The following MPDZ variants were observed in gnomAD, a reference collection of about 807,000 sequenced individuals.
The protein encoded by MPDZ is multiple PDZ domain crumbs cell polarity complex component, also known as multiple PDZ domain protein.
Under a neutral mutation model 239.1 loss-of-function variants are expected in MPDZ, and 234 were observed. The ratio of observed to expected loss-of-function variants is 0.98; its 90% confidence interval spans 0.88 to 1.09. MPDZ has a LOEUF of 1.09. Ranked by LOEUF, MPDZ falls within the 50% of genes least tolerant of loss-of-function variation. The pLI is 0.00. For synonymous variants in MPDZ, 1,048 were observed against 881.3 expected, an observed-to-expected ratio of 1.19 and a Z score of -3.35; for missense variants, 3,175 against 2,510.0, an observed-to-expected ratio of 1.26 and a Z score of -5.66.
chr9:13,115,806 G>T (rs1005093661), intron 39 of MPDZ, among the ~76,000 whole-genome samples: 1 of 151,892 alleles, frequency 6.6e-6, no homozygotes, highest in East Asian at 1.9e-4. Flanking sequence ...ATAGCTGGGC[G>T]TGGTGGCAGG....
At position 13,158,036 on chromosome 9, in the gene MPDZ, T is replaced by A. The variant is rs979093552; in HGVS notation, c.3434A>T (p.Asn1145Ile). 2.5e-6 allele frequency: 4 copies of A among 1,612,566 alleles called. No individual in the cohort carries two copies. Among genetic ancestry groups the A allele is most frequent in the Non-Finnish European group, 3.4e-6 (4 of 1,179,138 alleles). Residue 1145 changes from asparagine to isoleucine, a missense_variant, in exon 24 of 47, where the codon AAT (asparagine) becomes ATT (isoleucine). Asn to Ile is a moderately radical substitution (Grantham distance 149). Coordinates refer to ENST00000319217, the MANE Select transcript of MPDZ (RefSeq NM_001378778.1). ...TCCTTACCGCCTGGGCTGATTCCAA[T>A]TGCTATATGCTGTGTTTTGAAGTTC... The part of the protein sequence containing the change: ...ESELQNTAYS[N>I]WNQPRRVELW...
chr9:13,184,838 T>G, intron 18 of MPDZ, among the ~76,000 whole-genome samples: 1 of 151,910 alleles, frequency 6.6e-6, no homozygotes, highest in East Asian at 1.9e-4. Flanking sequence ...TCAAAGAAAT[T>G]GAGTGACCAG....
intron 3 of MPDZ, 39 bp downstream of exon 3, chr9:13,247,596 C>G: frequency 6.3e-7 from 1 of 1,577,988 alleles, no homozygotes; most frequent in Non-Finnish European, 8.7e-7. Flanking sequence ...AAGATCTATG[C>G]CATGTCGTGA....
intron 23 of MPDZ, among the ~76,000 whole-genome samples, chr9:13,161,302 G>A (rs1470791485): frequency 6.6e-6 from 1 of 152,068 alleles, no homozygotes; most frequent in Non-Finnish European, 1.5e-5. Context: ...AGGCATGGCG[G>A]CTCACGCTTA....
intron 3 of MPDZ, among the ~76,000 whole-genome samples, chr9:13,240,028 G>A (rs935956984): frequency 1.3e-5 from 2 of 152,062 alleles, no homozygotes; most frequent in African/African-American, 4.8e-5. Context: ...CTACATCATA[G>A]TGGGGAAGGT....
rs187320890 is a variant in MPDZ, at chr9:13,275,706, A to C, written c.-58+3694T>G. ...AAGGAAATGTGACTTGGGTTATTGGAAAGTGGAAACTTCAAGAGATAAAAG... is the reference window on the plus strand; with the variant it reads ...AAGGAAATGTGACTTGGGTTATTGGCAAGTGGAAACTTCAAGAGATAAAAG... On this transcript the variant is annotated intron_variant, in intron 1 of 46. Coordinates refer to ENST00000319217, the MANE Select transcript of MPDZ (RefSeq NM_001378778.1). 2.5e-3 allele frequency among the ~76,000 whole-genome samples: 377 copies of C among 152,318 alleles called. 2 individuals are homozygous for C. Among genetic ancestry groups the C allele is most frequent in the African/African-American group, 8.8e-3 (366 of 41,566 alleles).
chr9:13,196,062 G>C, intron 13 of MPDZ, 59 bp downstream of exon 13: 2 of 1,155,776 alleles, frequency 1.7e-6, no homozygotes, highest in Non-Finnish European at 2.5e-6. Context: ...TTATTCCCTC[G>C]AACTGCCTGC....
chr9:13,230,656 T>A (rs188093933), intron 3 of MPDZ, among the ~76,000 whole-genome samples: 19 of 152,148 alleles, frequency 1.2e-4, no homozygotes, highest in Admixed American at 9.8e-4. Context: ...AAGAATAGAA[T>A]AAGGGAGATA....
intron 3 of MPDZ, among the ~76,000 whole-genome samples, chr9:13,226,127 G>T (rs1960513073): frequency 6.6e-6 from 1 of 151,990 alleles, no homozygotes; most frequent in African/African-American, 2.4e-5. Flanking sequence ...GCCACAGTTG[G>T]TATCAGAAGT....
intron 1 of MPDZ, among the ~76,000 whole-genome samples, chr9:13,254,499 G>T (rs1968928621): frequency 6.6e-6 from 1 of 152,054 alleles, no homozygotes; most frequent in African/African-American, 2.4e-5. Flanking sequence ...ATTATTAGTT[G>T]TTGTTAATCT....
At chr9:13,114,527 G>C (rs376200917) in intron 40 of MPDZ, among the ~76,000 whole-genome samples, 1 of 152,078 alleles carries the variant, frequency 6.6e-6, no homozygotes, top group South Asian at 2.1e-4. Context: ...TTTTATACAT[G>C]GTGCTGAGTA....
intron 39 of MPDZ, 94 bp downstream of exon 39, chr9:13,119,408 A>G (rs1943987739): frequency 2.8e-6 from 4 of 1,412,324 alleles, no homozygotes; most frequent in Non-Finnish European, 3.8e-6. Context: ...TTAAATAAAG[A>G]GAAGTCATTA....
intron 10 of MPDZ, among the ~76,000 whole-genome samples, chr9:13,206,732 C>T (rs942052064): frequency 7.2e-5 from 11 of 152,070 alleles, no homozygotes; most frequent in Admixed American, 2.0e-4. Flanking sequence ...TTAGTAAAGA[C>T]GGGGTTTGAC....
intron 3 of MPDZ, among the ~76,000 whole-genome samples, chr9:13,230,734 C>T (rs1406937285): frequency 1.3e-5 from 2 of 151,856 alleles, no homozygotes; most frequent in Admixed American, 1.3e-4. Context: ...TAAGTAAAAA[C>T]AAACAAACAA....
At chr9:13,219,464 G>A (rs1362427178) in intron 8 of MPDZ, 95 bp downstream of exon 8, 9 of 1,066,128 alleles carry the variant, frequency 8.4e-6, no homozygotes, top group African/African-American at 4.7e-5. Flanking sequence ...CACTAATATA[G>A]GAACATTAGT....
chr9:13,273,373 T>G (rs1411936964), intron 1 of MPDZ, among the ~76,000 whole-genome samples: 1 of 152,238 alleles, frequency 6.6e-6, no homozygotes, highest in Middle Eastern at 3.2e-3. Context: ...TGATATCTTA[T>G]GAACACAGAA....
chr9:13,139,986 C>A lies in MPDZ; in HGVS notation c.4003+1G>T. The stretch of plus-strand genomic sequence containing the variant: ...AAATGCATCACAAAAACACAACTTA[C>A]TCCAGCTGTAACCAAACTCATCCTC... On this transcript the variant is annotated splice_donor_variant, in intron 28 of 46. Coordinates refer to ENST00000319217, the MANE Select transcript of MPDZ (RefSeq NM_001378778.1). LOFTEE classifies it high-confidence loss of function. 6.2e-7 allele frequency: 1 copy of A among 1,613,416 alleles called. No individual in the cohort carries two copies. Among genetic ancestry groups the A allele is most frequent in the Non-Finnish European group, 8.5e-7 (1 of 1,179,562 alleles).
chr9:13,262,691 T>C (rs1588189097), intron 1 of MPDZ, among the ~76,000 whole-genome samples: 1 of 151,608 alleles, frequency 6.6e-6, no homozygotes, highest in East Asian at 1.9e-4. Flanking sequence ...GGAGAAGCCA[T>C]AGTAAACAAA....
intron 21 of MPDZ, among the ~76,000 whole-genome samples, chr9:13,174,957 C>G (rs1952262650): frequency 6.6e-6 from 1 of 152,096 alleles, no homozygotes; most frequent in African/African-American, 2.4e-5. Context: ...GGAAACAAGA[C>G]CCTGCCATAA....
Sources: gnomAD v4.1 joint callset for allele counts (sites outside exome capture counted in the v4.1 genomes callset) on GRCh38, gnomAD v4.1.1 for gene constraint, MANE v1.5 for transcripts, NCBI Gene and HGNC (gene_info 2026-07-23, HGNC 2026-07-21) for gene names.